Variants in LMF1 observed in about 807,000 individuals in gnomAD.
LMF1 encodes the protein lipase maturation factor 1.
A neutral mutation model predicts 60.6 loss-of-function variants in LMF1; 68 were observed. The observed-to-expected ratio is 1.12, with a 90% CI of 0.92 to 1.37. The LOEUF (loss-of-function observed/expected upper bound fraction) is 1.37, where lower values mean the gene tolerates loss of function less well. Among genes scored for constraint, LMF1 ranks in the 40% most tolerant of loss-of-function variants. The pLI is 0.00. For synonymous variants in LMF1, 418 were observed against 324.7 expected (o/e 1.29, Z -3.09); for missense variants, 948 against 767.2 (o/e 1.24, Z -2.78).
chr16:943,417 T>A (rs909114634), intron 2 of LMF1, among the ~76,000 whole-genome samples: 2 of 148,588 alleles, frequency 1.3e-5, no homozygotes, highest in Non-Finnish European at 3.0e-5. Flanking sequence ...AAATTTCCCA[T>A]GTGTTCATTC....
intron 2 of LMF1, among the ~76,000 whole-genome samples, chr16:940,830 GATCTTCTAT>G (rs1362379444): frequency 6.6e-6 from 1 of 152,182 alleles, no homozygotes; most frequent in Non-Finnish European, 1.5e-5. Context: ...GTGCCGTTCT[GATCTTCTAT>G]GTCTTCTTTT....
chr16:871,007 G>A lies in LMF1; in HGVS notation c.1079-125C>T, dbSNP rs191076742. On this transcript the variant is annotated intron_variant, in intron 7 of 10. Transcript: ENST00000262301. ...GGGTCCCGGGGACGGAGCAGCACCC[G>A]AACTCACACACCTTGTTCCTGGCAC... The A allele has an allele frequency of 1.6e-5, 22 of 1,408,360 alleles. No individual in the cohort carries two copies. The East Asian group carries it at 3.5e-4, about 22-fold the overall frequency. The allele number at this position is 1,408,360 out of a possible 1,614,324, so 87.2% of individuals were successfully genotyped here.
chr16:917,361 G>A lies in LMF1; in HGVS notation c.515-6282C>T, dbSNP rs1413130741. On this transcript the variant is annotated intron_variant, in intron 3 of 10. Coordinates refer to ENST00000262301, the MANE Select transcript of LMF1 (RefSeq NM_022773.4). ...GCACTGCGGGTGGGCGCAGGCCCACGTGAAGAAATGCCACACGTGTGCGCT... is the reference window on the plus strand; with the variant it reads ...GCACTGCGGGTGGGCGCAGGCCCACATGAAGAAATGCCACACGTGTGCGCT... Among the ~76,000 whole-genome samples the A allele has an allele frequency of 1.9e-5, 2 of 107,738 alleles. 1 individual carries two copies. The highest frequency in any genetic ancestry group is 9.8e-5 in the African/African-American group (2 of 20,426). The allele number at this position is 107,738 out of a possible 152,430, so 70.7% of individuals were successfully genotyped here.
intron 10 of LMF1, 21 bp from the exon 11 acceptor site, chr16:854,727 G>C: frequency 6.4e-7 from 1 of 1,568,272 alleles, no homozygotes; most frequent in Non-Finnish European, 8.6e-7. Flanking sequence ...GCACATGTCA[G>C]CCCAGGGCCT....
chr16:938,036 C>CA (rs5815060), intron 2 of LMF1, among the ~76,000 whole-genome samples: 20,730 of 145,738 alleles, frequency 0.14, 1,778 homozygotes, highest in South Asian at 0.21. Flanking sequence ...CAGAAGTTAC[C>CA]AAAAAAAAAA....
intron 3 of LMF1, among the ~76,000 whole-genome samples, chr16:913,216 C>T (rs564706677): frequency 2.6e-5 from 4 of 152,340 alleles, no homozygotes; most frequent in African/African-American, 2.4e-5. Flanking sequence ...ACGGCTCCGG[C>T]GTCGTTTCCA....
At chr16:981,125 G>A (rs750812827) in intron 1 of LMF1, 4 of 427,004 alleles carry the variant, frequency 9.4e-6, no homozygotes, top group Admixed American at 2.5e-5. Context: ...TCCGAGCCGC[G>A]GCCCCTTGAA....
intron 2 of LMF1, among the ~76,000 whole-genome samples, chr16:950,492 G>A (rs1235942394): frequency 3.7e-5 from 4 of 108,700 alleles, no homozygotes; most frequent in Non-Finnish European, 7.0e-5. Flanking sequence ...CAGAGCCAAC[G>A]ACAGAGTCAG....
At chr16:857,308 G>A (rs1409785437) in intron 10 of LMF1, among the ~76,000 whole-genome samples, 1 of 152,240 alleles carries the variant, frequency 6.6e-6, no homozygotes, top group Non-Finnish European at 1.5e-5. Flanking sequence ...TGCAACTTCG[G>A]GTGTCCTTTT....
Position 910,973 on chromosome 16 carries a change from C to T in LMF1, c.621G>A (p.Leu207=), listed in dbSNP as rs781167433. ...PQHTPTSRIV[L]WGFRWLIFRI... is the part of the protein sequence containing the mutation. The stretch of plus-strand genomic sequence containing the variant: ...TGAAGATCAGCCACCGGAAGCCCCA[C>T]AGGACAATCCGGGATGTGGGGGTAT... Residue 207 remains leucine (L), a synonymous_variant, in exon 4 of 11, where the codon CTG becomes CTA. Coordinates refer to ENST00000262301, the MANE Select transcript of LMF1 (RefSeq NM_022773.4). The T allele has an allele frequency of 6.2e-7, 1 of 1,613,092 alleles. No individual in the cohort carries two copies. Among genetic ancestry groups the T allele is most frequent in the Non-Finnish European group, 8.5e-7 (1 of 1,179,896 alleles).
chr16:921,772 C>T (rs2071438287), intron 3 of LMF1, among the ~76,000 whole-genome samples: 1 of 152,188 alleles, frequency 6.6e-6, no homozygotes, highest in Non-Finnish European at 1.5e-5. Context: ...CACTACGTAA[C>T]AACGCAGCAA....
chr16:925,905 G>C (rs1441287499), intron 3 of LMF1, among the ~76,000 whole-genome samples: 1 of 152,266 alleles, frequency 6.6e-6, no homozygotes, highest in East Asian at 1.9e-4. Context: ...ATGTGTGTCT[G>C]TGTGCATGTG....
chr16:974,009 CAAAA>C (rs34433197), upstream of LMF1, among the ~76,000 whole-genome samples: 4 of 85,792 alleles, frequency 4.7e-5, no homozygotes, highest in Admixed American at 1.2e-4. Flanking sequence ...GACTCTGTCT[CAAAA>C]AAAAAAAAAA....
chr16:865,844 T>C (rs1254887097), intron 10 of LMF1, among the ~76,000 whole-genome samples: 1 of 152,192 alleles, frequency 6.6e-6, no homozygotes, highest in Non-Finnish European at 1.5e-5. Flanking sequence ...TTTCCCCGTC[T>C]ATGTCCTCTC....
chr16:875,104 G>A (rs1462806112), intron 6 of LMF1, among the ~76,000 whole-genome samples: 2 of 152,138 alleles, frequency 1.3e-5, no homozygotes, highest in East Asian at 1.9e-4. Context: ...GTGTGGGGCT[G>A]GAGAGGATGA....
At chr16:963,067 C>A (rs541120009) in intron 1 of LMF1, among the ~76,000 whole-genome samples, 7 of 152,042 alleles carry the variant, frequency 4.6e-5, no homozygotes, top group African/African-American at 1.7e-4. Flanking sequence ...GGGATGGACA[C>A]AGGGTAAACA....
intron 10 of LMF1, among the ~76,000 whole-genome samples, chr16:868,478 TCAC>T (rs1478376657): frequency 1.3e-5 from 2 of 152,156 alleles, no homozygotes; most frequent in Admixed American, 6.5e-5. Context: ...CCTTGGAATG[TCAC>T]CACGTCACTG....
intron 1 of LMF1, among the ~76,000 whole-genome samples, chr16:959,127 T>C (rs548347445): frequency 1.8e-4 from 28 of 152,292 alleles, no homozygotes; most frequent in Non-Finnish European, 3.8e-4. Context: ...CAGATGCTCA[T>C]AGCAGCTCTG....
chr16:879,492 G>A, intron 6 of LMF1, 78 bp downstream of exon 6: 3 of 1,530,058 alleles, frequency 2.0e-6, no homozygotes, highest in Non-Finnish European at 1.8e-6. Flanking sequence ...GGTCCTCCCA[G>A]AGAGCGGGGC....
Sources: gnomAD v4.1 joint callset for allele counts (sites outside exome capture counted in the v4.1 genomes callset) on GRCh38, gnomAD v4.1.1 for gene constraint, MANE v1.5 for transcripts, NCBI Gene and HGNC (gene_info 2026-07-23, HGNC 2026-07-21) for gene names.